Variants in HMX1 observed in about 807,000 individuals in gnomAD.
The protein encoded by HMX1 is homeobox protein HMX1.
HMX1 carries 8 observed loss-of-function variants against 8.9 expected under a neutral mutation model. The ratio of observed to expected loss-of-function variants is 0.90; its 90% CI spans 0.53 to 1.63. The LOEUF (loss-of-function observed/expected upper bound fraction) is 1.63, where lower values mean the gene tolerates loss of function less well. HMX1 is among the 40% of genes most tolerant of loss of function. The probability of loss-of-function intolerance (pLI) is 0.00; values close to 1 mark genes in which losing one functional copy is unlikely to be tolerated. For synonymous variants in HMX1, 311 were observed against 283.4 expected, an observed-to-expected ratio of 1.10 and a Z score of -0.98; for missense variants, 621 against 558.5, an observed-to-expected ratio of 1.11 and a Z score of -1.13.
rs141238096 is a variant in HMX1, at chr4:8,869,609, C to T, written c.395-1264G>A. Among the ~76,000 whole-genome samples the T allele has an allele frequency of 3.2e-4, 49 of 152,352 alleles. 1 individual carries two copies. In the East Asian group the frequency reaches 8.5e-3, roughly 26 times the overall value. ...CCAAGGAGTGTGCACATCCCACTCACGCCCGTGGCCAATCCCCATGGTGTG... is the reference window on the plus strand; with the variant it reads ...CCAAGGAGTGTGCACATCCCACTCATGCCCGTGGCCAATCCCCATGGTGTG... On this transcript the variant is annotated intron_variant, in intron 1 of 1. Transcript: ENST00000400677.
chr4:8,865,961 C>T (rs1721983085), downstream of HMX1, among the ~76,000 whole-genome samples: 1 of 152,204 alleles, frequency 6.6e-6, no homozygotes, highest in Admixed American at 6.5e-5. Context: ...AGGCCTGCTG[C>T]AAGGCCAAGG....
downstream of HMX1, among the ~76,000 whole-genome samples, chr4:8,866,132 G>A (rs974138046): frequency 1.3e-5 from 2 of 152,206 alleles, no homozygotes; most frequent in Non-Finnish European, 2.9e-5. Flanking sequence ...GGGCCGGGGC[G>A]GGGGCTGGGG....
downstream of HMX1, chr4:8,867,028 A>T (rs1722019671): frequency 1.0e-6 from 1 of 970,538 alleles, no homozygotes; most frequent in Non-Finnish European, 1.2e-6. Context: ...TGCCCTCGTG[A>T]TCACAAAGCA....
chr4:8,859,824 C>A (rs1001587384), intron 1 of HMX1, among the ~76,000 whole-genome samples: 7 of 152,240 alleles, frequency 4.6e-5, no homozygotes, highest in African/African-American at 1.7e-4. Context: ...CCCGTCCCGG[C>A]CCGAAGAAAG....
At chr4:8,866,232 G>A (rs1305346647), downstream of HMX1, among the ~76,000 whole-genome samples, 3 of 152,208 alleles carry the variant, frequency 2.0e-5, no homozygotes, top group Non-Finnish European at 4.4e-5. Flanking sequence ...CTCCTTGGCC[G>A]TCTGGCGCTA....
At chr4:8,857,377 T>C (rs1721641238) in intron 1 of HMX1, among the ~76,000 whole-genome samples, 1 of 151,972 alleles carries the variant, frequency 6.6e-6, no homozygotes, top group African/African-American at 2.4e-5. Context: ...TGGGGCCCCC[T>C]CCCCAGGTAG....
Position 8,867,501 on chromosome 4 carries a change from C to T in HMX1, c.*192G>A. 1.7e-6 allele frequency: 2 copies of T among 1,175,546 alleles called. No individual in the cohort carries two copies. Among genetic ancestry groups the T allele is most frequent in the Admixed American group, 4.6e-5 (1 of 21,858 alleles). The allele number at this position is 1,175,546 out of a possible 1,614,324, so 72.8% of individuals were successfully genotyped here. On this transcript the variant is annotated 3_prime_UTR_variant, in exon 2 of 2. Coordinates refer to ENST00000400677, the MANE Select transcript of HMX1 (RefSeq NM_018942.3). Reference sequence around the variant, plus strand: ...CCAGCCTGGCAAATGGGTGGGGCGTCCCATTACATTCTAGAGGCGCTCCCC... The same window carrying T: ...CCAGCCTGGCAAATGGGTGGGGCGTTCCATTACATTCTAGAGGCGCTCCCC...
intron 1 of HMX1, among the ~76,000 whole-genome samples, chr4:8,846,923 C>T: frequency 6.6e-6 from 1 of 152,180 alleles, no homozygotes; most frequent in East Asian, 1.9e-4. Context: ...TCTTTTTAGC[C>T]CACATTTTAA....
chr4:8,862,443 T>C (rs1721859125), downstream of HMX1, among the ~76,000 whole-genome samples: 1 of 152,248 alleles, frequency 6.6e-6, no homozygotes, highest in Non-Finnish European at 1.5e-5. Context: ...TGAATTCCCG[T>C]GTACCCACCC....
intron 1 of HMX1, among the ~76,000 whole-genome samples, chr4:8,846,486 C>T (rs1204597139): frequency 6.6e-6 from 1 of 152,232 alleles, no homozygotes; most frequent in Non-Finnish European, 1.5e-5. Flanking sequence ...GGGAACTTGT[C>T]AACATGGGGG....
downstream of HMX1, among the ~76,000 whole-genome samples, chr4:8,864,618 TCTGGGTTCC>T (rs1382471874): frequency 1.3e-5 from 2 of 152,224 alleles, no homozygotes; most frequent in Non-Finnish European, 2.9e-5. Context: ...TCCAGGGCTC[TCTGGGTTCC>T]AGGTCCTACA....
Position 8,847,395 on chromosome 4 carries a change from C to T in HMX1, c.395-1071G>A, listed in dbSNP as rs1203327477. On this transcript the variant is annotated intron_variant, in intron 1 of 1. Transcript: ENST00000506970. The surrounding 1 kb of genome is among the most constrained non-coding windows in gnomAD (Gnocchi z 6.0). ...AGGAGGAGCAAGATGTTTCTGGGAA[C>T]GTGGTTTGAGAAATGCTGTTCACGG... Among the ~76,000 whole-genome samples, 1 of 152,174 alleles carries T rather than the reference C, an allele frequency of 6.6e-6. No homozygotes were observed. The highest frequency in any genetic ancestry group is 1.9e-4 in the East Asian group (1 of 5,194).
At chr4:8,860,953 G>C (rs1281316850) in intron 1 of HMX1, 1 of 150,614 alleles carries the variant, frequency 6.6e-6, no homozygotes, top group Non-Finnish European at 1.5e-5. Context: ...GGTGAGCCGG[G>C]CGGGGGCGGG....
Position 8,871,235 on chromosome 4 carries a change from C to A in HMX1, c.380G>T (p.Gly127Val), listed in dbSNP as rs1317199493. 6 of 1,482,680 alleles carry A rather than the reference C, an allele frequency of 4.0e-6. No homozygotes were observed. Among genetic ancestry groups the A allele is most frequent in the African/African-American group, 2.9e-5 (2 of 68,194 alleles). The allele number at this position is 1,482,680 out of a possible 1,614,324, so 91.8% of individuals were successfully genotyped here. ...YPRAHGGYGG[G>V]LSPDTSDRDS... ...CCCTCACTCACTGTCAGGACTGAGG[C>A]CGCCTCCATAGCCACCGTGCGCCCG... Residue 127 changes from glycine (G) to valine (V), a missense_variant, in exon 1 of 2, where the codon GGC (glycine) becomes GTC (valine). By Grantham distance (109) the Gly-to-Val change is moderately radical. Coordinates refer to ENST00000400677, the MANE Select transcript of HMX1 (RefSeq NM_018942.3). This position sits in a 1 kb window ranked among gnomAD's most constrained non-coding sequence, Gnocchi z 4.8.
At chr4:8,869,082 C>T (rs886356383) in intron 1 of HMX1, among the ~76,000 whole-genome samples, 52 of 152,206 alleles carry the variant, frequency 3.4e-4, no homozygotes, top group African/African-American at 1.2e-3. Context: ...GGGCACATGC[C>T]ACTCTAAGCA....
downstream of HMX1, among the ~76,000 whole-genome samples, chr4:8,864,405 C>T (rs946836714): frequency 2.0e-5 from 3 of 151,808 alleles, no homozygotes; most frequent in South Asian, 2.1e-4. Context: ...GACTCAGGTG[C>T]GGAGAGGGTG....
intron 1 of HMX1, among the ~76,000 whole-genome samples, chr4:8,854,571 C>T (rs1721553388): frequency 6.6e-6 from 1 of 152,228 alleles, no homozygotes; most frequent in Non-Finnish European, 1.5e-5. Flanking sequence ...GGAATCTGTC[C>T]TCAACACTGC....
chr4:8,848,451 G>A lies in HMX1; in HGVS notation c.395-2127C>T, dbSNP rs1433822737. ...AATAAAGAGTTTGCGGAAATTTTAT[G>A]ATTGTTTTTTACTCATCTAGGCAGA... On this transcript the variant is annotated intron_variant, in intron 1 of 1. Transcript: ENST00000506970. This position sits in a 1 kb window ranked among gnomAD's most constrained non-coding sequence, Gnocchi z 4.1. 6.6e-6 allele frequency among the ~76,000 whole-genome samples: 1 copy of A among 152,178 alleles called. No homozygotes were observed. The highest frequency in any genetic ancestry group is 1.9e-4 in the East Asian group (1 of 5,198).
intron 1 of HMX1, chr4:8,860,550 A>C (rs1721766195): frequency 6.6e-6 from 1 of 152,130 alleles, no homozygotes; most frequent in Non-Finnish European, 1.5e-5. Context: ...CTTCCTGGGG[A>C]GTGGGGAGGG....
Sources: gnomAD v4.1 joint callset for allele counts (sites outside exome capture counted in the v4.1 genomes callset) on GRCh38, gnomAD v4.1.1 for gene constraint, Gnocchi (gnomAD v3.1) non-coding constraint, MANE v1.5 for transcripts, NCBI Gene and HGNC (gene_info 2026-07-23, HGNC 2026-07-21) for gene names.